ASIC2: variants seen among roughly 807,000 people sequenced by gnomAD.
The protein encoded by ASIC2 is acid sensing ion channel subunit 2.
In ASIC2, 25 loss-of-function variants were observed where a neutral mutation model predicts 57.3. The ratio of observed to expected loss-of-function variants is 0.44; its 90% CI spans 0.32 to 0.61. The LOEUF (loss-of-function observed/expected upper bound fraction) is 0.61, where lower values mean the gene tolerates loss of function less well. Ranked by LOEUF, ASIC2 falls within the 20% of genes least tolerant of loss-of-function variation. The pLI is 0.06. For missense variants in ASIC2, 641 were observed against 738.1 expected (o/e 0.87, Z 1.52); for synonymous variants, 319 against 307.5 (o/e 1.04, Z -0.39).
intron 3 of ASIC2, among the ~76,000 whole-genome samples, chr17:33,040,113 G>T (rs1259297842): frequency 6.6e-6 from 1 of 152,208 alleles, no homozygotes. Context: ...GTATACAGAT[G>T]GTGAATAAAC....
chr17:33,502,280 T>C (rs1914123291), intron 1 of ASIC2, among the ~76,000 whole-genome samples: 1 of 152,072 alleles, frequency 6.6e-6, no homozygotes, highest in Non-Finnish European at 1.5e-5. Context: ...GGGCATGCCC[T>C]CTAGGAAGGC....
At chr17:33,211,876 C>T (rs564783891) in intron 1 of ASIC2, among the ~76,000 whole-genome samples, 75 of 152,318 alleles carry the variant, frequency 4.9e-4, no homozygotes, top group Non-Finnish European at 8.2e-4. Flanking sequence ...CCAGGATCCC[C>T]CTAGTGCCTG....
chr17:33,714,528 TG>T (rs1457825184), intron 1 of ASIC2, among the ~76,000 whole-genome samples: 3 of 152,244 alleles, frequency 2.0e-5, no homozygotes, highest in Admixed American at 1.3e-4. Context: ...GTGCCATTTG[TG>T]TTAAATAAAA....
intron 1 of ASIC2, among the ~76,000 whole-genome samples, chr17:33,660,062 G>A (rs1195514108): frequency 6.6e-6 from 1 of 151,710 alleles, no homozygotes; most frequent in Non-Finnish European, 1.5e-5. Flanking sequence ...CCAGCCTGGC[G>A]ACAGAGTGAG....
chr17:34,026,124 C>G (rs996741310), intron 1 of ASIC2, among the ~76,000 whole-genome samples: 1 of 152,146 alleles, frequency 6.6e-6, no homozygotes, highest in Non-Finnish European at 1.5e-5. Flanking sequence ...TACGGTTGTG[C>G]AATTATTGGA....
At chr17:33,959,290 G>A (rs1904844126) in intron 1 of ASIC2, among the ~76,000 whole-genome samples, 1 of 152,104 alleles carries the variant, frequency 6.6e-6, no homozygotes, top group African/African-American at 2.4e-5. Flanking sequence ...CCACATCTGT[G>A]GGTATCTTTA....
At chr17:34,028,913 C>T (rs117087119) in intron 1 of ASIC2, among the ~76,000 whole-genome samples, 1,841 of 152,286 alleles carry the variant, frequency 0.012, 6 homozygotes, top group Admixed American at 0.017. Flanking sequence ...ATGGCTGTTC[C>T]TTGAACATAT....
At chr17:33,959,151 C>T (rs150979438) in intron 1 of ASIC2, among the ~76,000 whole-genome samples, 1 of 152,182 alleles carries the variant, frequency 6.6e-6, no homozygotes, top group Non-Finnish European at 1.5e-5. Flanking sequence ...CCAAACTTTC[C>T]CACATTTTCA....
At chr17:33,156,530 G>C (rs1905007842) in intron 1 of ASIC2, among the ~76,000 whole-genome samples, 1 of 151,962 alleles carries the variant, frequency 6.6e-6, no homozygotes, top group Non-Finnish European at 1.5e-5. Context: ...GGCTGAAGTG[G>C]GTGGATCACG....
intron 1 of ASIC2, among the ~76,000 whole-genome samples, chr17:33,557,901 C>G (rs981356299): frequency 6.6e-6 from 1 of 152,156 alleles, no homozygotes; most frequent in Non-Finnish European, 1.5e-5. Context: ...TTGGCAGTAA[C>G]CTTCCAACTG....
chr17:33,614,881 G>A (rs1006399328), intron 1 of ASIC2, among the ~76,000 whole-genome samples: 3 of 152,188 alleles, frequency 2.0e-5, no homozygotes, highest in African/African-American at 7.2e-5. Context: ...CCAGCTGTGG[G>A]ACTATGGGCA....
chr17:33,334,601 G>T (rs1212721008), intron 1 of ASIC2, among the ~76,000 whole-genome samples: 1 of 152,184 alleles, frequency 6.6e-6, no homozygotes, highest in Non-Finnish European at 1.5e-5. Context: ...ACCAAAGAGG[G>T]CATTCTTACA....
chr17:33,523,925 C>G (rs1914815740), intron 1 of ASIC2, among the ~76,000 whole-genome samples: 2 of 152,184 alleles, frequency 1.3e-5, no homozygotes, highest in South Asian at 4.1e-4. Flanking sequence ...CATAGCATAG[C>G]CTCAGGAAAT....
intron 1 of ASIC2, among the ~76,000 whole-genome samples, chr17:33,501,383 G>T (rs887899004): frequency 2.6e-5 from 4 of 152,168 alleles, no homozygotes; most frequent in South Asian, 2.1e-4. Flanking sequence ...ACTGGAAAAT[G>T]CCAGTGCCAG....
At chr17:33,259,254 T>C (rs960440415) in intron 1 of ASIC2, among the ~76,000 whole-genome samples, 1 of 152,216 alleles carries the variant, frequency 6.6e-6, no homozygotes, top group Non-Finnish European at 1.5e-5. Context: ...GGTAATGATA[T>C]AATGATATAT....
At chr17:33,075,374 A>T (rs1309486768) in intron 3 of ASIC2, among the ~76,000 whole-genome samples, 1 of 152,184 alleles carries the variant, frequency 6.6e-6, no homozygotes. Context: ...TGTCTTTATC[A>T]GCAGTGAGAA....
chr17:33,309,635 C>G (rs887515870), intron 1 of ASIC2, among the ~76,000 whole-genome samples: 7 of 152,072 alleles, frequency 4.6e-5, no homozygotes, highest in Non-Finnish European at 8.8e-5. Context: ...GTGTTTTCCC[C>G]TCTTGTGGCC....
chr17:33,490,190 A>G (rs781084340), intron 1 of ASIC2, among the ~76,000 whole-genome samples: 1 of 152,378 alleles, frequency 6.6e-6, no homozygotes, highest in East Asian at 1.9e-4. Context: ...GGTCATTGCT[A>G]TAGAGACTGT....
intron 1 of ASIC2, among the ~76,000 whole-genome samples, chr17:33,307,142 A>G (rs757082285): frequency 2.6e-5 from 4 of 152,110 alleles, no homozygotes; most frequent in African/African-American, 4.8e-5. Flanking sequence ...TGCTTTCCCA[A>G]CTTAAATCCA....
Sources: gnomAD v4.1 joint callset for allele counts (sites outside exome capture counted in the v4.1 genomes callset) on GRCh38, gnomAD v4.1.1 for gene constraint, MANE v1.5 for transcripts, NCBI Gene and HGNC (gene_info 2026-07-23, HGNC 2026-07-21) for gene names.